The following GRIA1 variants were observed in gnomAD, a reference collection of about 807,000 sequenced individuals.
GRIA1 encodes glutamate receptor 1.
Under a neutral mutation model 99.2 loss-of-function variants are expected in GRIA1, and 31 were observed. The ratio of observed to expected loss-of-function variants is 0.31; its 90% CI spans 0.23 to 0.42. The LOEUF is 0.42. Among genes scored for constraint, GRIA1 ranks in the 10% least tolerant of loss-of-function variants. GRIA1 has a pLI of 1.00. For synonymous variants in GRIA1, 438 were observed against 432.4 expected, an observed-to-expected ratio of 1.01 and a Z score of -0.16; for missense variants, 782 against 1,157.5, an observed-to-expected ratio of 0.68 and a Z score of 4.71.
intron 11 of GRIA1, among the ~76,000 whole-genome samples, chr5:153,727,402 A>G (rs1308518278): frequency 6.6e-6 from 1 of 152,212 alleles, no homozygotes; most frequent in East Asian, 1.9e-4. Flanking sequence ...TAGGCAGGAG[A>G]AGGAAATAAA....
intron 5 of GRIA1, among the ~76,000 whole-genome samples, chr5:153,661,061 G>A (rs996111065): frequency 1.3e-5 from 2 of 152,130 alleles, no homozygotes; most frequent in Non-Finnish European, 2.9e-5. Context: ...GCCCCATGCT[G>A]CTGCTCCTCT....
intron 11 of GRIA1, among the ~76,000 whole-genome samples, chr5:153,712,699 T>A (rs940981076): frequency 1.3e-5 from 2 of 152,164 alleles, no homozygotes; most frequent in African/African-American, 4.8e-5. Flanking sequence ...AATGCAAACG[T>A]CATTTAGGCC....
chr5:153,742,323 T>C (rs1761863003), intron 11 of GRIA1, among the ~76,000 whole-genome samples: 1 of 152,192 alleles, frequency 6.6e-6, no homozygotes, highest in South Asian at 2.1e-4. Context: ...TCACGAGAAG[T>C]AGCATAGGTT....
At chr5:153,572,232 C>G (rs1055754270) in intron 2 of GRIA1, among the ~76,000 whole-genome samples, 6 of 152,260 alleles carry the variant, frequency 3.9e-5, no homozygotes, top group East Asian at 1.9e-4. Context: ...TACCCCACAG[C>G]TTGATGAGTA....
rs532973318 is a variant in GRIA1, at chr5:153,591,072, A to C, written c.221-55856A>C. Among the ~76,000 whole-genome samples the C allele has an allele frequency of 3.9e-5, 6 of 152,330 alleles. No homozygotes were observed. In the South Asian group the frequency reaches 1.2e-3, roughly 32 times the overall value. On this transcript the variant is annotated intron_variant, in intron 2 of 15. Transcript: ENST00000285900. ...TAGTTATTCAAGAGTCATCAAACAG[A>C]GATACACAATTTTAAATTGTTTTTC...
intron 2 of GRIA1, among the ~76,000 whole-genome samples, chr5:153,600,300 C>G (rs530307744): frequency 1.4e-4 from 20 of 143,014 alleles, no homozygotes; most frequent in Admixed American, 5.4e-4. Flanking sequence ...GCTGAGGCAG[C>G]AGAATGGCGT....
At chr5:153,713,210 AG>A (rs1162214991) in intron 11 of GRIA1, among the ~76,000 whole-genome samples, 1 of 152,238 alleles carries the variant, frequency 6.6e-6, no homozygotes, top group Admixed American at 6.5e-5. Context: ...CCTTCAAAGC[AG>A]GGGCCTGGCT....
At chr5:153,706,953 CAAT>C (rs1476634831) in intron 11 of GRIA1, among the ~76,000 whole-genome samples, 1 of 151,798 alleles carries the variant, frequency 6.6e-6, no homozygotes, top group African/African-American at 2.4e-5. Context: ...AATAATAAAA[CAAT>C]AATAATAATA....
At chr5:153,672,497 G>A (rs577358898) in intron 5 of GRIA1, among the ~76,000 whole-genome samples, 1 of 152,078 alleles carries the variant, frequency 6.6e-6, no homozygotes, top group Non-Finnish European at 1.5e-5. Context: ...AGCCAGACAG[G>A]GAAATCACAT....
intron 2 of GRIA1, among the ~76,000 whole-genome samples, chr5:153,618,531 A>G (rs1766725784): frequency 6.6e-6 from 1 of 152,186 alleles, no homozygotes; most frequent in Non-Finnish European, 1.5e-5. Context: ...GCTGACAGAA[A>G]GAGGAGTGAC....
intron 10 of GRIA1, among the ~76,000 whole-genome samples, chr5:153,704,129 A>G (rs1290472476): frequency 1.3e-5 from 2 of 152,232 alleles, no homozygotes; most frequent in African/African-American, 4.8e-5. Flanking sequence ...CAGGCTTTCT[A>G]TTCCACTTAA....
intron 5 of GRIA1, among the ~76,000 whole-genome samples, chr5:153,665,107 T>C (rs1306254345): frequency 1.3e-5 from 2 of 152,198 alleles, no homozygotes; most frequent in Non-Finnish European, 2.9e-5. Context: ...GAAGGGACTC[T>C]CTGGAAGACC....
intron 2 of GRIA1, among the ~76,000 whole-genome samples, chr5:153,582,433 T>A (rs1763123613): frequency 6.6e-6 from 1 of 152,156 alleles, no homozygotes; most frequent in African/African-American, 2.4e-5. Flanking sequence ...TTTGATCCAT[T>A]GGTAGCACCC....
chr5:153,669,253 TA>T (rs529945164), intron 5 of GRIA1, among the ~76,000 whole-genome samples: 78 of 152,318 alleles, frequency 5.1e-4, no homozygotes, highest in African/African-American at 1.6e-3. Context: ...CTCAAACAAT[TA>T]TTATTCTTTT....
intron 13 of GRIA1, among the ~76,000 whole-genome samples, chr5:153,791,752 G>C (rs751499702): frequency 1.3e-5 from 2 of 152,096 alleles, no homozygotes; most frequent in Non-Finnish European, 2.9e-5. Flanking sequence ...TAACTACAAC[G>C]ATCACCTTAT....
intron 2 of GRIA1, among the ~76,000 whole-genome samples, chr5:153,604,045 G>T (rs1765237594): frequency 6.6e-6 from 1 of 152,056 alleles, no homozygotes; most frequent in Non-Finnish European, 1.5e-5. Context: ...GCTTCAGAAT[G>T]AGTCTTATTT....
At chr5:153,736,038 C>T (rs941386486) in intron 11 of GRIA1, among the ~76,000 whole-genome samples, 1 of 152,094 alleles carries the variant, frequency 6.6e-6, no homozygotes, top group Non-Finnish European at 1.5e-5. Flanking sequence ...CATCAGCATA[C>T]AGTATTTAAA....
intron 2 of GRIA1, among the ~76,000 whole-genome samples, chr5:153,523,574 G>A (rs1248875869): frequency 1.3e-5 from 2 of 151,926 alleles, no homozygotes; most frequent in East Asian, 3.9e-4. Flanking sequence ...CACAGCATCA[G>A]ACTCATATTG....
chr5:153,772,209 T>C (rs1763927080), intron 13 of GRIA1, among the ~76,000 whole-genome samples: 1 of 151,658 alleles, frequency 6.6e-6, no homozygotes, highest in African/African-American at 2.4e-5. Context: ...AAAGGTTCAA[T>C]TTGGTCTGCA....
Sources: gnomAD v4.1 joint callset for allele counts (sites outside exome capture counted in the v4.1 genomes callset) on GRCh38, gnomAD v4.1.1 for gene constraint, MANE v1.5 for transcripts, NCBI Gene and HGNC (gene_info 2026-07-23, HGNC 2026-07-21) for gene names.